Variants in STX8 observed in about 807,000 individuals in gnomAD.
STX8 encodes the protein syntaxin-8.
STX8 carries 23 observed loss-of-function variants against 37.5 expected under a neutral mutation model. That is an observed-to-expected ratio of 0.61 (90% CI 0.44 to 0.87). STX8 has a LOEUF of 0.87. Ranked by LOEUF, STX8 falls within the 40% of genes least tolerant of loss-of-function variation. STX8 has a pLI of 0.00. For missense variants in STX8, 313 were observed against 284.7 expected (o/e 1.10, Z -0.71); for synonymous variants, 115 against 99.1 (o/e 1.16, Z -0.95).
At chr17:9,371,135 A>C (rs1010856157) in intron 7 of STX8, among the ~76,000 whole-genome samples, 4 of 152,194 alleles carry the variant, frequency 2.6e-5, no homozygotes. Context: ...GGCCCCTTGC[A>C]GTTCAGTCTG....
chr17:9,276,093 T>C (rs1907665964), intron 7 of STX8, among the ~76,000 whole-genome samples: 1 of 112,644 alleles, frequency 8.9e-6, no homozygotes, highest in African/African-American at 2.7e-5. Flanking sequence ...CTGCGGTTTC[T>C]ATCTACCCCC....
intron 7 of STX8, among the ~76,000 whole-genome samples, chr17:9,311,818 AC>A (rs1909198579): frequency 6.6e-6 from 1 of 152,128 alleles, no homozygotes; most frequent in Non-Finnish European, 1.5e-5. Flanking sequence ...CATGGTAAGT[AC>A]TTTATAAGTG....
At chr17:9,264,052 G>A (rs1404886231) in intron 7 of STX8, among the ~76,000 whole-genome samples, 1 of 152,172 alleles carries the variant, frequency 6.6e-6, no homozygotes, top group Non-Finnish European at 1.5e-5. Flanking sequence ...CTGCTAGAAG[G>A]CTGCCATGCT....
At chr17:9,254,983 C>G (rs1437356889) in intron 7 of STX8, among the ~76,000 whole-genome samples, 1 of 152,126 alleles carries the variant, frequency 6.6e-6, no homozygotes, top group Non-Finnish European at 1.5e-5. Flanking sequence ...GCAAGAAGGC[C>G]AATGAGTAAG....
intron 6 of STX8, among the ~76,000 whole-genome samples, chr17:9,414,477 A>G (rs1266309661): frequency 2.6e-5 from 4 of 152,198 alleles, no homozygotes; most frequent in Admixed American, 2.0e-4. Context: ...CTTATTCTCA[A>G]TGTCATACTT....
chr17:9,535,571 T>A lies in STX8; in HGVS notation c.323+9601A>T, dbSNP rs1480056086. ...CCTCAGCCTCCTGAGTAGCTGGGAC[T>A]ACAGGCACCCGCCACCACGCCTGGC... On this transcript the variant is annotated intron_variant, in intron 4 of 7. Coordinates refer to ENST00000306357, the MANE Select transcript of STX8 (RefSeq NM_004853.3). 2.0e-5 allele frequency among the ~76,000 whole-genome samples: 3 copies of A among 151,796 alleles called. No homozygotes were observed. In the East Asian group the frequency reaches 5.8e-4, roughly 30 times the overall value.
At position 9,322,421 on chromosome 17, in the gene STX8, T is replaced by TA. The variant is rs1348374682; in HGVS notation, c.643+56130dup. On this transcript the variant is annotated intron_variant, in intron 7 of 7. Coordinates refer to ENST00000306357, the MANE Select transcript of STX8 (RefSeq NM_004853.3). ...AAAGAGGAGCTGTCACTGAGTTCCT[T>TA]AGGACTCACAGCTTGAAAGGAAGGA... is the stretch of plus-strand genomic sequence containing the variant. Among the ~76,000 whole-genome samples, 8 of 152,262 alleles carry TA rather than the reference T, an allele frequency of 5.3e-5. No homozygotes were observed. The South Asian group carries it at 1.2e-3, about 24-fold the overall frequency.
At position 9,250,608 on chromosome 17, in the gene STX8, G is replaced by C. The variant is rs16958105; in HGVS notation, c.681C>G (p.Ile227Met). 1.9e-6 allele frequency: 3 copies of C among 1,600,114 alleles called. No homozygotes were observed. Among genetic ancestry groups the C allele is most frequent in the Non-Finnish European group, 1.7e-6 (2 of 1,173,812 alleles). The change falls in exon 8 of 8, where the codon ATC (isoleucine) becomes ATG (methionine). Residue 227 changes from isoleucine (I) to methionine (M), a missense_variant. By Grantham distance (10) the Ile-to-Met change is conservative. Transcript: ENST00000306357. ...IMVILLLLVA[I>M]VVVAVWPTN ...TGGTCGGCCAGACTGCAACAACCAC[G>C]ATAGCCACAAGCAGCAGTAAAATCA...
At chr17:9,444,561 T>C (rs1904773804) in intron 6 of STX8, among the ~76,000 whole-genome samples, 2 of 152,238 alleles carry the variant, frequency 1.3e-5, no homozygotes, top group South Asian at 4.1e-4. Flanking sequence ...ATCTTGAGCT[T>C]GGAGAAGTCA....
At chr17:9,478,465 G>T (rs1050491781) in intron 6 of STX8, among the ~76,000 whole-genome samples, 1 of 152,128 alleles carries the variant, frequency 6.6e-6, no homozygotes, top group Non-Finnish European at 1.5e-5. Flanking sequence ...CCGACTTACG[G>T]TCTTTTGTAT....
intron 7 of STX8, among the ~76,000 whole-genome samples, chr17:9,262,302 C>G (rs1907067066): frequency 6.6e-6 from 1 of 152,184 alleles, no homozygotes; most frequent in African/African-American, 2.4e-5. Flanking sequence ...ACAGCTGATG[C>G]AACAGACCTC....
At chr17:9,419,293 T>A (rs546780425) in intron 6 of STX8, among the ~76,000 whole-genome samples, 1 of 151,104 alleles carries the variant, frequency 6.6e-6, no homozygotes, top group East Asian at 2.0e-4. Flanking sequence ...CCCAAGGTGA[T>A]CTCAAACTCC....
At chr17:9,434,252 C>T (rs7217812) in intron 6 of STX8, among the ~76,000 whole-genome samples, 8,667 of 152,228 alleles carry the variant, frequency 0.057, 690 homozygotes, top group African/African-American at 0.18. Flanking sequence ...ATCCGCCGGC[C>T]TCAGCCTCCC....
At chr17:9,409,992 G>T (rs140250718) in intron 6 of STX8, among the ~76,000 whole-genome samples, 1 of 151,386 alleles carries the variant, frequency 6.6e-6, no homozygotes, top group African/African-American at 2.4e-5. Context: ...CCTATGAATC[G>T]TAAGTACGAA....
At chr17:9,504,889 G>A (rs895633563) in intron 5 of STX8, 149 bp downstream of exon 5, 8 of 739,406 alleles carry the variant, frequency 1.1e-5, no homozygotes, top group Middle Eastern at 4.1e-4. Context: ...CAGGAGAATC[G>A]TTTGAACCCG....
intron 7 of STX8, among the ~76,000 whole-genome samples, chr17:9,323,286 GA>G (rs906714096): frequency 6.6e-6 from 1 of 150,666 alleles, no homozygotes. Context: ...GTTTAAAATA[GA>G]AAAAAAGAAA....
At chr17:9,290,721 A>C (rs1908283529) in intron 7 of STX8, among the ~76,000 whole-genome samples, 2 of 152,308 alleles carry the variant, frequency 1.3e-5, no homozygotes, top group South Asian at 4.1e-4. Context: ...TGACCAAGTA[A>C]TTTAGTTATT....
intron 2 of STX8, among the ~76,000 whole-genome samples, chr17:9,562,482 A>C (rs545725031): frequency 6.6e-6 from 1 of 152,236 alleles, no homozygotes; most frequent in South Asian, 2.1e-4. Context: ...AGGAAAGGAA[A>C]TAACTACAAT....
intron 6 of STX8, among the ~76,000 whole-genome samples, chr17:9,409,870 A>C (rs1033820975): frequency 6.6e-6 from 1 of 152,260 alleles, no homozygotes; most frequent in Non-Finnish European, 1.5e-5. Context: ...TACAAAAGTA[A>C]GAGAAATCTC....
Sources: allele counts gnomAD v4.1 joint callset (sites outside exome capture counted in the v4.1 genomes callset), GRCh38; gene constraint gnomAD v4.1.1; transcripts MANE v1.5; gene names NCBI Gene and HGNC (gene_info 2026-07-23, HGNC 2026-07-21).